The following COMMD10 variants were observed in gnomAD, a reference collection of about 807,000 sequenced individuals.
COMMD10 encodes COMM domain-containing protein 10.
COMMD10 carries 33 observed loss-of-function variants against 28.9 expected under a neutral mutation model. The observed-to-expected ratio is 1.14, with a 90% confidence interval of 0.87 to 1.53. The LOEUF (loss-of-function observed/expected upper bound fraction) is 1.53, where lower values mean the gene tolerates loss of function less well. Among genes scored for constraint, COMMD10 ranks in the 40% most tolerant of loss-of-function variants. The pLI, the probability that COMMD10 is intolerant of heterozygous loss-of-function variation, is 0.00. For missense variants in COMMD10, 310 were observed against 233.4 expected, an observed-to-expected ratio of 1.33 and a Z score of -2.14; for synonymous variants, 110 against 81.7, an observed-to-expected ratio of 1.35 and a Z score of -1.87.
chr5:116,231,365 A>G (rs746437259), intron 5 of COMMD10, among the ~76,000 whole-genome samples: 43 of 152,286 alleles, frequency 2.8e-4, no homozygotes, highest in Non-Finnish European at 4.0e-4. Flanking sequence ...TGCAATACTA[A>G]TGTTTAATAT....
intron 5 of COMMD10, among the ~76,000 whole-genome samples, chr5:116,153,571 G>A (rs186257159): frequency 2.6e-3 from 390 of 152,198 alleles, no homozygotes; most frequent in Non-Finnish European, 4.4e-3. Flanking sequence ...TATGTGCCAG[G>A]TATTGTTCTG....
intron 5 of COMMD10, among the ~76,000 whole-genome samples, chr5:116,213,293 C>G (rs975543829): frequency 1.2e-4 from 19 of 152,084 alleles, no homozygotes; most frequent in African/African-American, 3.4e-4. Flanking sequence ...GATGTGAATA[C>G]TAGGCTCCCT....
At chr5:116,282,257 A>G (rs1014628669) in intron 5 of COMMD10, among the ~76,000 whole-genome samples, 2 of 151,680 alleles carry the variant, frequency 1.3e-5, no homozygotes, top group African/African-American at 2.4e-5. Flanking sequence ...TGTCTCATCT[A>G]CCTCTAAACA....
chr5:116,161,181 A>G (rs1433668942), intron 5 of COMMD10, among the ~76,000 whole-genome samples: 1 of 152,142 alleles, frequency 6.6e-6, no homozygotes, highest in Non-Finnish European at 1.5e-5. Flanking sequence ...CTGATTATGT[A>G]GAAGGATCAT....
chr5:116,253,438 A>G (rs1009176796), intron 5 of COMMD10, among the ~76,000 whole-genome samples: 2 of 151,468 alleles, frequency 1.3e-5, no homozygotes, highest in Admixed American at 1.3e-4. Flanking sequence ...TGGATTTGTC[A>G]TAGATAGCTC....
chr5:116,184,524 T>A (rs923252064), intron 5 of COMMD10, among the ~76,000 whole-genome samples: 1 of 152,042 alleles, frequency 6.6e-6, no homozygotes, highest in African/African-American at 2.4e-5. Context: ...ATAATATTGG[T>A]TAACACTGAC....
chr5:116,101,467 C>T (rs1464928108), intron 4 of COMMD10, among the ~76,000 whole-genome samples: 2 of 151,992 alleles, frequency 1.3e-5, no homozygotes, highest in South Asian at 2.1e-4. Flanking sequence ...TGCTCTGTCA[C>T]CCAGGCTGGA....
chr5:116,235,338 T>C (rs1446729072), intron 5 of COMMD10, among the ~76,000 whole-genome samples: 1 of 152,222 alleles, frequency 6.6e-6, no homozygotes, highest in Non-Finnish European at 1.5e-5. Flanking sequence ...GGCATGTTGC[T>C]TGCTTGTTAC....
intron 5 of COMMD10, among the ~76,000 whole-genome samples, chr5:116,154,920 T>G (rs1287406222): frequency 6.6e-6 from 1 of 152,106 alleles, no homozygotes; most frequent in Non-Finnish European, 1.5e-5. Context: ...TTTGGGAAAG[T>G]ACCACATTGG....
At position 116,085,103 on chromosome 5, in the gene COMMD10, C is replaced by T; in HGVS notation, c.41+10C>T. 2 of 1,608,206 alleles carry T rather than the reference C, an allele frequency of 1.2e-6. No homozygotes were observed. The highest frequency in any genetic ancestry group is 1.7e-6 in the Non-Finnish European group (2 of 1,178,196). On this transcript the variant is annotated intron_variant, in intron 1 of 6. Transcript: ENST00000274458. ...TACGGGAGAGCCCCAGGTAGCTGATCCGTTAAGCTCTTGCGGTAGCCGCGC... is the reference window on the plus strand; with the variant it reads ...TACGGGAGAGCCCCAGGTAGCTGATTCGTTAAGCTCTTGCGGTAGCCGCGC...
intron 5 of COMMD10, among the ~76,000 whole-genome samples, chr5:116,146,439 AT>A (rs1752353232): frequency 6.6e-6 from 1 of 151,778 alleles, no homozygotes. Context: ...GATTTTTGGA[AT>A]TGTTTTTCTG....
chr5:116,156,203 T>G (rs1220203200), intron 5 of COMMD10, among the ~76,000 whole-genome samples: 3 of 152,098 alleles, frequency 2.0e-5, no homozygotes, highest in Non-Finnish European at 4.4e-5. Flanking sequence ...TAATAGAGAA[T>G]AAGGTGAAGG....
chr5:116,138,939 T>C (rs6874458), intron 5 of COMMD10, among the ~76,000 whole-genome samples: 47,810 of 151,506 alleles, frequency 0.32, 10,403 homozygotes, highest in African/African-American at 0.62. Flanking sequence ...TGATTTCTTA[T>C]TATTCTTATT....
At chr5:116,175,305 AACTT>A (rs1753468455) in intron 5 of COMMD10, among the ~76,000 whole-genome samples, 1 of 152,278 alleles carries the variant, frequency 6.6e-6, no homozygotes, top group Admixed American at 6.5e-5. Flanking sequence ...GGTAGTTAGT[AACTT>A]ACTATAAATG....
intron 4 of COMMD10, among the ~76,000 whole-genome samples, chr5:116,123,807 T>C (rs571508975): frequency 6.6e-6 from 1 of 152,238 alleles, no homozygotes; most frequent in East Asian, 1.9e-4. Context: ...GGAGGGTGTA[T>C]GTGTCCAGGA....
At chr5:116,130,706 C>A (rs1461180586) in intron 4 of COMMD10, among the ~76,000 whole-genome samples, 1 of 151,978 alleles carries the variant, frequency 6.6e-6, no homozygotes, top group African/African-American at 2.4e-5. Context: ...TTTCTTCTAG[C>A]CACATGGCTA....
intron 5 of COMMD10, among the ~76,000 whole-genome samples, chr5:116,268,749 A>G (rs1485559784): frequency 1.3e-5 from 2 of 152,078 alleles, no homozygotes; most frequent in South Asian, 2.1e-4. Flanking sequence ...CACATGCACC[A>G]TGGAATACTG....
At chr5:116,104,873 C>A (rs1475069789) in intron 4 of COMMD10, among the ~76,000 whole-genome samples, 1 of 152,214 alleles carries the variant, frequency 6.6e-6, no homozygotes, top group African/African-American at 2.4e-5. Flanking sequence ...TCCGCCTTGG[C>A]CTCCCAAAGT....
intron 5 of COMMD10, among the ~76,000 whole-genome samples, chr5:116,269,267 C>G (rs1424617368): frequency 1.3e-5 from 2 of 151,668 alleles, no homozygotes; most frequent in Non-Finnish European, 2.9e-5. Flanking sequence ...GTTTTATGAT[C>G]ATAGTATTTC....
Sources: allele counts gnomAD v4.1 joint callset (sites outside exome capture counted in the v4.1 genomes callset), GRCh38; gene constraint gnomAD v4.1.1; transcripts MANE v1.5; gene names NCBI Gene and HGNC (gene_info 2026-07-23, HGNC 2026-07-21).